Variants in PACRG observed in about 807,000 individuals in gnomAD.
PACRG encodes the protein parkin coregulated gene protein.
Under a neutral mutation model 29.7 loss-of-function variants are expected in PACRG, and 29 were observed. The ratio of observed to expected loss-of-function variants is 0.98; its 90% CI spans 0.73 to 1.33. PACRG has a LOEUF of 1.33. PACRG is among the 40% of genes most tolerant of loss of function. The probability of loss-of-function intolerance (pLI) is 0.00; values close to 1 mark genes in which losing one functional copy is unlikely to be tolerated. For missense variants in PACRG, 279 were observed against 316.2 expected (o/e 0.88, Z 0.89); for synonymous variants, 116 against 118.7 (o/e 0.98, Z 0.15).
chr6:163,179,276 G>A (rs1779533977), intron 4 of PACRG: 2 of 455,382 alleles, frequency 4.4e-6, no homozygotes. Context: ...CGGCAGCTGG[G>A]GGAACTCAGC....
chr6:162,849,447 G>T (rs988574887), intron 2 of PACRG, among the ~76,000 whole-genome samples: 1 of 152,204 alleles, frequency 6.6e-6, no homozygotes, highest in Admixed American at 6.5e-5. Context: ...AGAAAGTCAC[G>T]TGCAGTGCAG....
At chr6:163,112,380 C>T (rs571059381) in intron 4 of PACRG, among the ~76,000 whole-genome samples, 4 of 152,132 alleles carry the variant, frequency 2.6e-5, no homozygotes, top group Non-Finnish European at 4.4e-5. Context: ...GTGAAAAGGA[C>T]CCTTTCCTCC....
chr6:162,883,059 A>G (rs1271589532), intron 2 of PACRG, among the ~76,000 whole-genome samples: 1 of 152,192 alleles, frequency 6.6e-6, no homozygotes, highest in African/African-American at 2.4e-5. Context: ...GCAGTGTCTG[A>G]CAATATGTAT....
At chr6:162,852,080 T>G (rs951642645) in intron 2 of PACRG, among the ~76,000 whole-genome samples, 2 of 150,378 alleles carry the variant, frequency 1.3e-5, no homozygotes, top group Non-Finnish European at 3.0e-5. Context: ...TCATTAGAAG[T>G]ATTACTAATG....
At chr6:162,940,175 G>C (rs1244400811) in intron 2 of PACRG, among the ~76,000 whole-genome samples, 1 of 152,124 alleles carries the variant, frequency 6.6e-6, no homozygotes, top group South Asian at 2.1e-4. Context: ...GCTCAGAGGG[G>C]TGCCCTGATA....
At chr6:163,044,069 G>A (rs1809047515) in intron 2 of PACRG, among the ~76,000 whole-genome samples, 1 of 152,140 alleles carries the variant, frequency 6.6e-6, no homozygotes. Context: ...GAGTCAGGGA[G>A]CTCAGAGAAT....
intron 2 of PACRG, among the ~76,000 whole-genome samples, chr6:163,005,918 CAT>C (rs1805037790): frequency 1.4e-5 from 2 of 144,262 alleles, no homozygotes; most frequent in African/African-American, 5.1e-5. Flanking sequence ...ATATATATAA[CAT>C]GTATATATAT....
At chr6:163,311,833 C>T (rs933174751) in intron 4 of PACRG, among the ~76,000 whole-genome samples, 1 of 152,062 alleles carries the variant, frequency 6.6e-6, no homozygotes, top group African/African-American at 2.4e-5. Context: ...AAAGTAAGAA[C>T]ATGAGATAAA....
intron 1 of PACRG, among the ~76,000 whole-genome samples, chr6:162,762,198 T>C (rs1782430099): frequency 6.6e-6 from 1 of 152,248 alleles, no homozygotes; most frequent in South Asian, 2.1e-4. Context: ...GAAGGAGAAC[T>C]TAATCCTGAT....
In PACRG at chr6:163,079,253, T is replaced by C. The variant is rs185941638; in HGVS notation, c.464-10006T>C. ...GGGTCATCAAAAAAAATTGATAGAT[T>C]TGGATTCTATAACATTCATCCAAGT... On this transcript the variant is annotated intron_variant, in intron 3 of 4. Coordinates refer to ENST00000366888, the MANE Select transcript of PACRG (RefSeq NM_001080379.2). Among the ~76,000 whole-genome samples the C allele has an allele frequency of 2.3e-3, 353 of 152,216 alleles. 1 individual carries two copies. Among genetic ancestry groups the C allele is most frequent in the South Asian group, 0.01 (49 of 4,826 alleles).
At chr6:162,751,277 C>G (rs1781497015) in intron 1 of PACRG, among the ~76,000 whole-genome samples, 1 of 151,700 alleles carries the variant, frequency 6.6e-6, no homozygotes. Context: ...AATAAAAAAT[C>G]AAAGAAGAAA....
chr6:162,937,897 A>AT (rs59171580), intron 2 of PACRG, among the ~76,000 whole-genome samples: 17,219 of 149,240 alleles, frequency 0.12, 1,310 homozygotes, highest in East Asian at 0.26. Context: ...TCATTTTTTA[A>AT]TTTTTTTTTT....
At chr6:162,790,636 A>G (rs1355305016) in intron 1 of PACRG, among the ~76,000 whole-genome samples, 1 of 152,252 alleles carries the variant, frequency 6.6e-6, no homozygotes, top group South Asian at 2.1e-4. Flanking sequence ...CTTACTGTAT[A>G]TATCCCTTTT....
intron 2 of PACRG, among the ~76,000 whole-genome samples, chr6:162,910,924 G>C (rs938832147): frequency 6.6e-6 from 1 of 152,156 alleles, no homozygotes; most frequent in Admixed American, 6.5e-5. Context: ...GATGCTGCTG[G>C]CTACAGTGAT....
chr6:162,900,533 A>G (rs1165720449), intron 2 of PACRG, among the ~76,000 whole-genome samples: 1 of 152,090 alleles, frequency 6.6e-6, no homozygotes, highest in Non-Finnish European at 1.5e-5. Flanking sequence ...ACCATGGCCC[A>G]TTCTTTCTTC....
chr6:162,881,134 C>G (rs1283137691), intron 2 of PACRG, among the ~76,000 whole-genome samples: 1 of 152,202 alleles, frequency 6.6e-6, no homozygotes, highest in Non-Finnish European at 1.5e-5. Context: ...CAGCCAGCCT[C>G]AGTGCATATA....
chr6:163,125,575 G>T (rs1427525187), intron 4 of PACRG, among the ~76,000 whole-genome samples: 2 of 152,126 alleles, frequency 1.3e-5, no homozygotes, highest in African/African-American at 2.4e-5. Flanking sequence ...CAACTCAATA[G>T]AAACAGCAAT....
chr6:163,255,336 C>CCAGG (rs1783064008), intron 4 of PACRG, among the ~76,000 whole-genome samples: 1 of 152,188 alleles, frequency 6.6e-6, no homozygotes, highest in South Asian at 2.1e-4. Flanking sequence ...GCAAGGATTT[C>CCAGG]CAGGCAGGCA....
chr6:162,788,470 C>G (rs1377965749), intron 1 of PACRG, among the ~76,000 whole-genome samples: 4 of 152,190 alleles, frequency 2.6e-5, no homozygotes. Flanking sequence ...AAGATGTAAA[C>G]ATCTGTGTGC....
Sources: gnomAD v4.1 joint callset for allele counts (sites outside exome capture counted in the v4.1 genomes callset) on GRCh38, gnomAD v4.1.1 for gene constraint, MANE v1.5 for transcripts, NCBI Gene and HGNC (gene_info 2026-07-23, HGNC 2026-07-21) for gene names.